SLC25A48: variants seen among roughly 807,000 people sequenced by gnomAD.
SLC25A48 encodes the protein solute carrier family 25 member 48.
SLC25A48 carries 29 observed loss-of-function variants against 32.2 expected under a neutral mutation model. That is an observed-to-expected ratio of 0.90 (90% CI 0.67 to 1.23). The LOEUF (loss-of-function observed/expected upper bound fraction) is 1.23, where lower values mean the gene tolerates loss of function less well. Ranked by LOEUF, SLC25A48 falls within the 50% of genes most tolerant of loss-of-function variation. SLC25A48 has a pLI of 0.00. For missense variants in SLC25A48, 399 were observed against 422.7 expected (o/e 0.94, Z 0.49); for synonymous variants, 164 against 172.3 (o/e 0.95, Z 0.38).
intron 1 of SLC25A48, among the ~76,000 whole-genome samples, chr5:135,841,615 C>A (rs1580962439): frequency 6.6e-6 from 1 of 151,692 alleles, no homozygotes; most frequent in African/African-American, 2.4e-5. Flanking sequence ...ACTTTTTAGA[C>A]AAAGAGTGAT....
intron 3 of SLC25A48, among the ~76,000 whole-genome samples, chr5:135,742,978 TCCC>T (rs1364210117): frequency 0.039 from 69 of 1,782 alleles, 5 homozygotes; most frequent in South Asian, 0.091. Flanking sequence ...CTCCCCTCCC[TCCC>T]CCCCCTCCCT....
rs62365997 is a variant in SLC25A48 at position 135,581,540 on chromosome 5, A to G, written c.-849+1943A>G. Among the ~76,000 whole-genome samples, 984 of 152,362 alleles carry G rather than the reference A, an allele frequency of 6.5e-3. 4 individuals are homozygous for G. Among genetic ancestry groups the G allele is most frequent in the Middle Eastern group, 0.027 (8 of 294 alleles). On this transcript the variant is annotated intron_variant, in intron 1 of 10. Coordinates refer to the SLC25A48 transcript ENST00000646290. ...TTTTATTAACGATTTTATTTCTAAC[A>G]TGTTTGTTTCAAGAATATGTTGATT...
chr5:135,855,364 C>T (rs924120103), intron 4 of SLC25A48, among the ~76,000 whole-genome samples: 1 of 152,170 alleles, frequency 6.6e-6, no homozygotes, highest in African/African-American at 2.4e-5. Context: ...GATGCAGTAA[C>T]TGTCATTGAT....
At chr5:135,767,810 C>G (rs1183384511) in intron 3 of SLC25A48, among the ~76,000 whole-genome samples, 1 of 151,242 alleles carries the variant, frequency 6.6e-6, no homozygotes, top group East Asian at 2.0e-4. Flanking sequence ...TCATAATATC[C>G]ACAGAGAAAG....
At chr5:135,834,408 TCAGCA>T (rs1371895998), upstream of SLC25A48, among the ~76,000 whole-genome samples, 1 of 152,240 alleles carries the variant, frequency 6.6e-6, no homozygotes, top group Non-Finnish European at 1.5e-5. Flanking sequence ...ATCAGCATTG[TCAGCA>T]CAGCACAGTA....
At chr5:135,741,889 G>C (rs529992061) in intron 3 of SLC25A48, among the ~76,000 whole-genome samples, 1 of 152,266 alleles carries the variant, frequency 6.6e-6, no homozygotes, top group East Asian at 1.9e-4. Flanking sequence ...GGAAAAAGAA[G>C]CGTGAATGTA....
chr5:135,652,404 A>G (rs545143063), intron 3 of SLC25A48: 76 of 456,184 alleles, frequency 1.7e-4, no homozygotes, highest in South Asian at 1.2e-3. Context: ...TGGATTCACA[A>G]AATGCCTATC....
At chr5:135,648,085 A>G (rs1455619323) in intron 3 of SLC25A48, among the ~76,000 whole-genome samples, 3 of 152,050 alleles carry the variant, frequency 2.0e-5, no homozygotes, top group Non-Finnish European at 4.4e-5. Context: ...GTCCACTGAG[A>G]GTCTTATGAA....
At chr5:135,590,625 C>T (rs1418630605) in intron 1 of SLC25A48, among the ~76,000 whole-genome samples, 1 of 152,158 alleles carries the variant, frequency 6.6e-6, no homozygotes, top group Non-Finnish European at 1.5e-5. Flanking sequence ...AGAACAGAGA[C>T]CTGCTGGGGG....
rs190097297 is a variant in SLC25A48 at position 135,754,563 on chromosome 5, T to C, written c.-520-57960T>C. ...TATAATATCCAATGATTACACACTA[T>C]GATATGAATGAAATATCACTATGAT... On this transcript the variant is annotated intron_variant, in intron 3 of 10. Transcript: ENST00000646290. 2.7e-3 allele frequency among the ~76,000 whole-genome samples: 417 copies of C among 151,970 alleles called. 2 individuals are homozygous for C. Among genetic ancestry groups the C allele is most frequent in the African/African-American group, 9.4e-3 (388 of 41,488 alleles).
At chr5:135,674,914 T>G (rs1753733967) in intron 3 of SLC25A48, among the ~76,000 whole-genome samples, 1 of 151,280 alleles carries the variant, frequency 6.6e-6, no homozygotes, top group Admixed American at 6.6e-5. Context: ...TAGTGGGGTT[T>G]TTTTTTTTGA....
chr5:135,697,552 A>T (rs138655703), intron 3 of SLC25A48, among the ~76,000 whole-genome samples: 2 of 152,328 alleles, frequency 1.3e-5, no homozygotes, highest in African/African-American at 4.8e-5. Flanking sequence ...CTCCTTTGCC[A>T]GAGACTGGAC....
At position 135,871,558 on chromosome 5, in the gene SLC25A48, C is replaced by T; in HGVS notation, c.519C>T (p.Gly173=). 2 of 1,614,194 alleles carry T rather than the reference C, an allele frequency of 1.2e-6. No homozygotes were observed. The highest frequency in any genetic ancestry group is 1.7e-6 in the Non-Finnish European group (2 of 1,180,022). The part of the protein sequence containing the change: ...HCITTIVRNE[G]LAGLYRGASA... ...TTACAACCATTGTGAGGAATGAGGG[C>T]CTGGCGGGGCTATACCGGGGGGCCA... The change falls in exon 5 of 8, where the codon GGC becomes GGT. Residue 173 remains glycine, a synonymous_variant. Transcript: ENST00000681962.
chr5:135,773,837 G>C (rs958556183), intron 3 of SLC25A48, among the ~76,000 whole-genome samples: 1 of 149,932 alleles, frequency 6.7e-6, no homozygotes, highest in Non-Finnish European at 1.5e-5. Flanking sequence ...ATATCCAGAG[G>C]GGGGAGGGTA....
At chr5:135,740,699 G>T (rs1379168840) in intron 3 of SLC25A48, among the ~76,000 whole-genome samples, 2 of 152,150 alleles carry the variant, frequency 1.3e-5, no homozygotes, top group Admixed American at 6.5e-5. Context: ...AGCCATCTAG[G>T]GGGTGTTTGT....
rs370446945 is a variant in SLC25A48, at chr5:135,853,584, G to A, written c.421+763G>A. 5.4e-4 allele frequency among the ~76,000 whole-genome samples: 83 copies of A among 152,320 alleles called. No homozygotes were observed. The Middle Eastern group carries it at 0.01, about 19-fold the overall frequency. On this transcript the variant is annotated intron_variant, in intron 4 of 7. Coordinates refer to ENST00000681962, the MANE Select transcript of SLC25A48 (RefSeq NM_001349336.2). ...CTTCATCCGTTAAATATTATCATGA[G>A]ATTGCACCATTCAGCCCCATCTTCA...
rs1353337198 is a variant in SLC25A48, at chr5:135,740,288, G to A, written c.-520-72235G>A. Among the ~76,000 whole-genome samples, 2 of 151,934 alleles carry A rather than the reference G, an allele frequency of 1.3e-5. 1 individual carries two copies. On this transcript the variant is annotated intron_variant, in intron 3 of 10. Coordinates refer to the SLC25A48 transcript ENST00000646290. ...GGCTCACTGCAACCTCTGCCTCCTG[G>A]GTTCAAGGGATTCTCATGCCTCAGC...
At position 135,871,588 on chromosome 5, in the gene SLC25A48, C is replaced by T. The variant is rs1761649575; in HGVS notation, c.549C>T (p.Ala183=). The part of the protein sequence containing the change: ...GLAGLYRGAS[A]MLLRDVPGYC... Reference sequence around the variant, plus strand: ...CGGGGCTATACCGGGGGGCCAGTGCCATGCTGCTGAGGGATGTCCCAGGCT... The same window carrying T: ...CGGGGCTATACCGGGGGGCCAGTGCTATGCTGCTGAGGGATGTCCCAGGCT... Residue 183 remains alanine, a synonymous_variant, in exon 5 of 8, where the codon GCC becomes GCT. Coordinates refer to ENST00000681962, the MANE Select transcript of SLC25A48 (RefSeq NM_001349336.2). 1 of 1,614,202 alleles carries T rather than the reference C, an allele frequency of 6.2e-7. No individual in the cohort carries two copies. The highest frequency in any genetic ancestry group is 1.3e-5 in the African/African-American group (1 of 75,064).
chr5:135,694,478 T>G (rs1754222001), intron 3 of SLC25A48, among the ~76,000 whole-genome samples: 1 of 152,246 alleles, frequency 6.6e-6, no homozygotes, highest in Non-Finnish European at 1.5e-5. Flanking sequence ...CAAACAATAA[T>G]GTTAAAATAA....
Sources: allele counts gnomAD v4.1 joint callset (sites outside exome capture counted in the v4.1 genomes callset), GRCh38; gene constraint gnomAD v4.1.1; transcripts MANE v1.5; gene names NCBI Gene and HGNC (gene_info 2026-07-23, HGNC 2026-07-21).